The following CCNK variants were observed in gnomAD, a reference collection of about 807,000 sequenced individuals.
CCNK encodes the protein cyclin K.
Under a neutral mutation model 65.0 loss-of-function variants are expected in CCNK, and 9 were observed. The observed-to-expected ratio is 0.14, with a 90% CI of 0.08 to 0.24. The LOEUF (loss-of-function observed/expected upper bound fraction) is 0.24. Ranked by LOEUF, CCNK falls within the 10% of genes least tolerant of loss-of-function variation. The pLI is 1.00. For synonymous variants in CCNK, 279 were observed against 270.8 expected, an observed-to-expected ratio of 1.03 and a Z score of -0.30; for missense variants, 474 against 720.0, an observed-to-expected ratio of 0.66 and a Z score of 3.91.
chr14:99,502,102 G>T, intron 6 of CCNK, 105 bp from the exon 7 acceptor site: 7 of 1,223,520 alleles, frequency 5.7e-6, no homozygotes, highest in Non-Finnish European at 7.7e-6. Context: ...ATTAAATTTA[G>T]GGGAGAATAA....
chr14:99,498,336 G>A (rs1230074906), intron 4 of CCNK, among the ~76,000 whole-genome samples: 3 of 152,136 alleles, frequency 2.0e-5, no homozygotes, highest in Non-Finnish European at 1.5e-5. Flanking sequence ...GGGGGAGGGG[G>A]CTTTGCAACC....
chr14:99,481,588 G>C, intron 1 of CCNK, 109 bp downstream of exon 1: 1 of 396,874 alleles, frequency 2.5e-6, no homozygotes, highest in Non-Finnish European at 4.4e-6. Flanking sequence ...TCTCTTTCCG[G>C]ATTCTGCCTC....
intron 5 of CCNK, 122 bp downstream of exon 5, chr14:99,500,993 C>A: frequency 1.5e-6 from 1 of 680,284 alleles, no homozygotes; most frequent in Non-Finnish European, 2.6e-6. Context: ...ATACCAAGGG[C>A]ATGGCTTGCT....
At position 99,510,231 on chromosome 14, in the gene CCNK, A is replaced by G. The variant is rs1174724135; in HGVS notation, c.1192A>G (p.Lys398Glu). 6.3e-7 allele frequency: 1 copy of G among 1,596,416 alleles called. No homozygotes were observed. Among genetic ancestry groups the G allele is most frequent in the African/African-American group, 1.3e-5 (1 of 74,586 alleles). The change falls in exon 11 of 11, where the codon AAA becomes GAA. Residue 398 changes from lysine (K) to glutamate (E), a missense_variant. By Grantham distance (56) the Lys-to-Glu change is moderately conservative. Coordinates refer to ENST00000389879, the MANE Select transcript of CCNK (RefSeq NM_001099402.2). ...CCCTGTGGATGCCACTGACCTCCCCAAAGTCCAGATTCCCCCTCCGGCCCA... is the reference window on the plus strand; with the variant it reads ...CCCTGTGGATGCCACTGACCTCCCCGAAGTCCAGATTCCCCCTCCGGCCCA... ...PGPVDATDLP[K>E]VQIPPPAHPA...
chr14:99,481,675 A>C, intron 1 of CCNK, 196 bp downstream of exon 1: 1 of 382,078 alleles, frequency 2.6e-6, no homozygotes, highest in Non-Finnish European at 4.6e-6. Flanking sequence ...AGAGGGTCTG[A>C]GGCGCCGGGG....
intron 1 of CCNK, among the ~76,000 whole-genome samples, chr14:99,491,234 A>G (rs1896591897): frequency 6.6e-6 from 1 of 152,194 alleles, no homozygotes; most frequent in Non-Finnish European, 1.5e-5. Context: ...AGTTAGGACA[A>G]TATTTTCAGA....
At chr14:99,505,428 G>C (rs1027760973) in intron 9 of CCNK, 3 of 152,246 alleles carry the variant, frequency 2.0e-5, no homozygotes, top group Non-Finnish European at 4.4e-5. Context: ...TTCCAAGAAA[G>C]GAGAACGTAA....
At chr14:99,506,326 T>A (rs1020142319) in intron 9 of CCNK, 1 of 152,080 alleles carries the variant, frequency 6.6e-6, no homozygotes. Flanking sequence ...AACAGAAAAA[T>A]AGGGTTCTTT....
At position 99,502,201 on chromosome 14, in the gene CCNK, A is replaced by C; in HGVS notation, c.576-6A>C. 2 of 1,572,082 alleles carry C rather than the reference A, an allele frequency of 1.3e-6. No individual in the cohort carries two copies. Among genetic ancestry groups the C allele is most frequent in the South Asian group, 1.2e-5 (1 of 85,032 alleles). On this transcript the variant is annotated splice_region_variant and splice_polypyrimidine_tract_variant and intron_variant, in intron 6 of 10. Coordinates refer to ENST00000389879, the MANE Select transcript of CCNK (RefSeq NM_001099402.2). ...TATCTAACCTTTTTTTTTCTTGTTGAACTAGTCTCTGCACCACCTTGTCAC... is the reference window on the plus strand; with the variant it reads ...TATCTAACCTTTTTTTTTCTTGTTGCACTAGTCTCTGCACCACCTTGTCAC...
In CCNK at chr14:99,510,863, G is replaced by A; in HGVS notation, c.*81G>A. On this transcript the variant is annotated 3_prime_UTR_variant, in exon 11 of 11. Transcript: ENST00000389879. ...GAGTAGTTGAAGTGGGTAAGCAGCA[G>A]GGTACCTTGTATAATGCACGACAGT... is the stretch of plus-strand genomic sequence containing the variant. The A allele has an allele frequency of 8.1e-7, 1 of 1,235,880 alleles. No homozygotes were observed. Among genetic ancestry groups the A allele is most frequent in the Non-Finnish European group, 1.1e-6 (1 of 946,680 alleles). 76.6% of individuals were successfully genotyped at this position (1,235,880 alleles called of 1,614,324 possible).
intron 4 of CCNK, 27 bp from the exon 5 acceptor site, chr14:99,500,739 G>C: frequency 7.2e-7 from 1 of 1,380,638 alleles, no homozygotes; most frequent in Non-Finnish European, 1.0e-6. Flanking sequence ...TGTAATTACT[G>C]TCCTAACATT....
intron 4 of CCNK, among the ~76,000 whole-genome samples, chr14:99,496,492 C>T (rs760989367): frequency 1.3e-5 from 2 of 151,960 alleles, no homozygotes; most frequent in African/African-American, 2.4e-5. Flanking sequence ...GGGCGGATCA[C>T]GAGGTCAGGA....
At position 99,495,758 on chromosome 14, in the gene CCNK, G is replaced by A. The variant is rs1595309989; in HGVS notation, c.411+129G>A. ...TCTTGAGTTCCTAAGAGGGCCTTCT[G>A]TAGAAGTTACTTGATGCTTTTGTAA... On this transcript the variant is annotated intron_variant, in intron 4 of 10. Coordinates refer to ENST00000389879, the MANE Select transcript of CCNK (RefSeq NM_001099402.2). 3.0e-5 allele frequency: 22 copies of A among 738,590 alleles called. No individual in the cohort carries two copies. In the East Asian group the frequency reaches 6.2e-4, roughly 21 times the overall value. The allele number at this position is 738,590 out of a possible 1,614,324, so 45.8% of individuals were successfully genotyped here. A position where few individuals can be genotyped will look rare whatever the true frequency, so the allele number is the denominator to read the frequency against.
chr14:99,510,496 C>G lies in CCNK; in HGVS notation c.1457C>G (p.Pro486Arg). ...HVYPPNPPPP[P>R]VPPPPASFPP... Reference sequence around the variant, plus strand: ...TACCCGCCCAACCCGCCCCCGCCACCTGTGCCTCCTCCCCCAGCCTCCTTC... The same window carrying G: ...TACCCGCCCAACCCGCCCCCGCCACGTGTGCCTCCTCCCCCAGCCTCCTTC... The change falls in exon 11 of 11, where the codon CCT (proline) becomes CGT (arginine). Residue 486 changes from proline (P) to arginine (R), a missense_variant. Pro to Arg is a moderately radical substitution (Grantham distance 103). Around this residue, in one of 6 missense-constraint regions of CCNK, gnomAD observed 38 missense variants for 19.2 expected, o/e 1.98. Coordinates refer to ENST00000389879, the MANE Select transcript of CCNK (RefSeq NM_001099402.2). The G allele has an allele frequency of 1.7e-6, 2 of 1,164,182 alleles. No homozygotes were observed. The highest frequency in any genetic ancestry group is 2.4e-6 in the Non-Finnish European group (2 of 830,890). 72.1% of individuals were successfully genotyped at this position (1,164,182 alleles called of 1,614,324 possible).
At chr14:99,504,609 C>A (rs1273430233) in intron 9 of CCNK, 2 of 152,088 alleles carry the variant, frequency 1.3e-5, no homozygotes, top group African/African-American at 4.8e-5. Flanking sequence ...CACCACCAGG[C>A]CTGGCTAATT....
chr14:99,507,194 G>C (rs375284065), intron 10 of CCNK, 47 bp downstream of exon 10: 232 of 1,136,772 alleles, frequency 2.0e-4, no homozygotes, highest in Non-Finnish European at 2.9e-4. Flanking sequence ...CATCGCCTCT[G>C]AATGTTGGAC....
intron 1 of CCNK, among the ~76,000 whole-genome samples, chr14:99,486,670 C>G (rs1259680970): frequency 6.6e-6 from 1 of 152,256 alleles, no homozygotes; most frequent in Non-Finnish European, 1.5e-5. Context: ...GTATCACCCT[C>G]TGTGTCAGTC....
At chr14:99,490,060 A>G (rs1896567244) in intron 1 of CCNK, among the ~76,000 whole-genome samples, 1 of 152,352 alleles carries the variant, frequency 6.6e-6, no homozygotes, top group Non-Finnish European at 1.5e-5. Context: ...AGACATTTGT[A>G]TAGTATTTTG....
At chr14:99,489,088 A>G (rs1483651347) in intron 1 of CCNK, among the ~76,000 whole-genome samples, 1 of 152,120 alleles carries the variant, frequency 6.6e-6, no homozygotes. Flanking sequence ...TAGGAGTGTC[A>G]TTCCTTCTTG....
Sources: gnomAD v4.1 joint callset for allele counts (sites outside exome capture counted in the v4.1 genomes callset) on GRCh38, gnomAD v4.1.1 for gene constraint, gnomAD v4.1.1 regional missense constraint, MANE v1.5 for transcripts, NCBI Gene and HGNC (gene_info 2026-07-23, HGNC 2026-07-21) for gene names.